NKAIN3: variants seen among roughly 807,000 people sequenced by gnomAD.
NKAIN3 encodes sodium/potassium transporting ATPase interacting 3, also known as sodium/potassium-transporting ATPase subunit beta-1-interacting protein 3.
Under a neutral mutation model 30.2 loss-of-function variants are expected in NKAIN3, and 25 were observed. The ratio of observed to expected loss-of-function variants is 0.83; its 90% CI spans 0.60 to 1.16. The LOEUF (loss-of-function observed/expected upper bound fraction) is 1.16, where lower values mean the gene tolerates loss of function less well. Among genes scored for constraint, NKAIN3 ranks in the 50% most tolerant of loss-of-function variants. The pLI is 0.00. For missense variants in NKAIN3, 225 were observed against 254.1 expected, an observed-to-expected ratio of 0.89 and a Z score of 0.78; for synonymous variants, 91 against 89.6, an observed-to-expected ratio of 1.02 and a Z score of -0.09.
chr8:62,655,300 CA>C (rs1812734138), intron 3 of NKAIN3, among the ~76,000 whole-genome samples: 1 of 152,122 alleles, frequency 6.6e-6, no homozygotes, highest in African/African-American at 2.4e-5. Flanking sequence ...AAAATATTGA[CA>C]GTCACTACTC....
intron 1 of NKAIN3, among the ~76,000 whole-genome samples, chr8:62,328,590 A>C (rs1207061004): frequency 1.3e-5 from 2 of 152,074 alleles, no homozygotes; most frequent in Non-Finnish European, 2.9e-5. Context: ...ATTGCACCAG[A>C]TGTCTTATGT....
At position 62,605,563 on chromosome 8, in the gene NKAIN3, A is replaced by G. The variant is rs1197564042; in HGVS notation, c.273+15769A>G. Among the ~76,000 whole-genome samples, 3 of 152,060 alleles carry G rather than the reference A, an allele frequency of 2.0e-5. No homozygotes were observed. The East Asian group carries it at 5.8e-4, about 29-fold the overall frequency. On this transcript the variant is annotated intron_variant, in intron 3 of 6. Transcript: ENST00000623646. ...CTCTGAATCTACAGGTTCCACATCC[A>G]TGCATTCAACCAACTGCAGATCAAA...
intron 4 of NKAIN3, among the ~76,000 whole-genome samples, chr8:62,885,820 T>A (rs1821129940): frequency 6.6e-6 from 1 of 152,208 alleles, no homozygotes; most frequent in African/African-American, 2.4e-5. Context: ...TTTTGATTAA[T>A]GTTAACATGG....
intron 1 of NKAIN3, among the ~76,000 whole-genome samples, chr8:62,327,915 G>C (rs557086594): frequency 1.1e-3 from 162 of 152,054 alleles, no homozygotes; most frequent in African/African-American, 3.8e-3. Flanking sequence ...ATGAACATGG[G>C]ATCTCTTTCC....
chr8:62,435,707 T>C (rs1805150473), intron 1 of NKAIN3, among the ~76,000 whole-genome samples: 1 of 152,156 alleles, frequency 6.6e-6, no homozygotes, highest in Non-Finnish European at 1.5e-5. Flanking sequence ...TGAAGTGATA[T>C]ATGTTCTTTG....
intron 3 of NKAIN3, among the ~76,000 whole-genome samples, chr8:62,632,287 T>A (rs961907529): frequency 6.6e-6 from 1 of 152,170 alleles, no homozygotes; most frequent in South Asian, 2.1e-4. Context: ...AATTTTTGTG[T>A]CTTCAAAAAT....
In NKAIN3 at chr8:62,579,581, C is replaced by T; in HGVS notation, c.97C>T (p.Gln33Ter). The change falls in exon 2 of 7, where the codon CAG (glutamine) becomes TAG (stop). Residue 33 changes from glutamine (Q) to a stop codon, truncating the protein, a stop_gained. Transcript: ENST00000623646. LOFTEE classifies it high-confidence loss of function. ...GCAGATCTTTGACTTCCTTGGTTTC[C>T]AGTGGGCGCCTATTCTTGGAAATTT... ...ERQIFDFLGF[Q>*]WAPILGNFLH... 6.2e-7 allele frequency: 1 copy of T among 1,610,780 alleles called. No homozygotes were observed. Among genetic ancestry groups the T allele is most frequent in the Non-Finnish European group, 8.5e-7 (1 of 1,177,982 alleles).
chr8:62,763,936 A>G (rs961410961), intron 4 of NKAIN3, among the ~76,000 whole-genome samples: 1 of 152,154 alleles, frequency 6.6e-6, no homozygotes, highest in South Asian at 2.1e-4. Context: ...AAGTTTATTG[A>G]GGGGTTGTAA....
intron 1 of NKAIN3, among the ~76,000 whole-genome samples, chr8:62,434,710 T>C (rs536719934): frequency 6.6e-6 from 1 of 152,256 alleles, no homozygotes; most frequent in South Asian, 2.1e-4. Flanking sequence ...TTTTCCCAAA[T>C]GTCTTTTGAA....
At chr8:62,912,860 G>A (rs1563624677) in intron 4 of NKAIN3, among the ~76,000 whole-genome samples, 1 of 152,016 alleles carries the variant, frequency 6.6e-6, no homozygotes, top group African/African-American at 2.4e-5. Flanking sequence ...GGTGAGCTGA[G>A]ATTGCACTAT....
chr8:62,567,545 G>A lies in NKAIN3; in HGVS notation c.55-11994G>A, dbSNP rs145956446. Reference sequence around the variant, plus strand: ...AAAGTTTTCCTAAATTATCCAAAAGGGCTCAATGTAATTATAAAGGTCTTT... The same window carrying A: ...AAAGTTTTCCTAAATTATCCAAAAGAGCTCAATGTAATTATAAAGGTCTTT... On this transcript the variant is annotated intron_variant, in intron 1 of 6. Transcript: ENST00000623646. Among the ~76,000 whole-genome samples the A allele has an allele frequency of 9.9e-5, 15 of 152,062 alleles. No individual in the cohort carries two copies. The East Asian group carries it at 2.7e-3, about 27-fold the overall frequency.
At chr8:62,710,643 C>T (rs142792512) in intron 3 of NKAIN3, among the ~76,000 whole-genome samples, 59 of 152,106 alleles carry the variant, frequency 3.9e-4, no homozygotes, top group African/African-American at 1.3e-3. Flanking sequence ...CCTAAGGCAC[C>T]AAATGGTTGG....
chr8:62,550,609 A>G (rs1368031108), intron 1 of NKAIN3, among the ~76,000 whole-genome samples: 1 of 152,232 alleles, frequency 6.6e-6, no homozygotes, highest in Non-Finnish European at 1.5e-5. Flanking sequence ...AATGAGTTTA[A>G]AAGAGTAAAG....
chr8:62,675,812 A>T (rs764081749), intron 3 of NKAIN3, among the ~76,000 whole-genome samples: 8 of 152,228 alleles, frequency 5.3e-5, no homozygotes, highest in Non-Finnish European at 8.8e-5. Context: ...CTGCCATCAT[A>T]GATAGACCAC....
intron 2 of NKAIN3, among the ~76,000 whole-genome samples, chr8:62,585,663 C>T (rs1015231037): frequency 2.0e-5 from 3 of 152,086 alleles, no homozygotes; most frequent in Non-Finnish European, 2.9e-5. Context: ...GAATCTAATG[C>T]CACGCTGATC....
In NKAIN3 at chr8:62,791,124, T is replaced by G. The variant is rs116385642; in HGVS notation, c.471+43995T>G. ...TTCTGCTGCATCCCACTGGTCAAAG[T>G]AAGTCACAAAGGCAACCTAGATTCA... is the stretch of plus-strand genomic sequence containing the variant. On this transcript the variant is annotated intron_variant, in intron 4 of 6. Coordinates refer to ENST00000623646, the MANE Select transcript of NKAIN3 (RefSeq NM_001304533.3). Among the ~76,000 whole-genome samples the G allele has an allele frequency of 2.7e-3, 418 of 152,148 alleles. 3 individuals carry two copies. The highest frequency in any genetic ancestry group is 9.7e-3 in the African/African-American group (403 of 41,524).
chr8:62,367,074 C>T (rs1405416815), intron 1 of NKAIN3, among the ~76,000 whole-genome samples: 1 of 152,012 alleles, frequency 6.6e-6, no homozygotes, highest in African/African-American at 2.4e-5. Context: ...TTATTTCAGT[C>T]TTCTTAAATT....
At chr8:62,487,799 T>C (rs1806947703) in intron 1 of NKAIN3, among the ~76,000 whole-genome samples, 1 of 152,194 alleles carries the variant, frequency 6.6e-6, no homozygotes, top group South Asian at 2.1e-4. Context: ...ATGTGTCCAT[T>C]GTCATTCTTT....
chr8:62,993,753 TC>T (rs1420256983), intron 5 of NKAIN3, among the ~76,000 whole-genome samples: 1 of 152,188 alleles, frequency 6.6e-6, no homozygotes, highest in East Asian at 1.9e-4. Flanking sequence ...AACTTTCTCT[TC>T]TTTGAGTTGC....
Sources: gnomAD v4.1 joint callset for allele counts (sites outside exome capture counted in the v4.1 genomes callset) on GRCh38, gnomAD v4.1.1 for gene constraint, MANE v1.5 for transcripts, NCBI Gene and HGNC (gene_info 2026-07-23, HGNC 2026-07-21) for gene names.